Variants in FER observed in about 807,000 individuals in gnomAD.
FER encodes the protein tyrosine-protein kinase Fer.
A neutral mutation model predicts 111.0 loss-of-function variants in FER; 63 were observed. The observed-to-expected ratio is 0.57, with a 90% CI of 0.46 to 0.70. FER has a LOEUF of 0.70. Among genes scored for constraint, FER ranks in the 30% least tolerant of loss-of-function variants. The pLI, the probability that FER is intolerant of heterozygous loss-of-function variation, is 0.00. For synonymous variants in FER, 327 were observed against 313.9 expected (o/e 1.04, Z -0.44); for missense variants, 914 against 954.0 (o/e 0.96, Z 0.55).
chr5:108,796,895 A>G (rs1756087919), intron 2 of FER, among the ~76,000 whole-genome samples: 1 of 151,928 alleles, frequency 6.6e-6, no homozygotes, highest in South Asian at 2.1e-4. Context: ...CTAAGGTGTA[A>G]GACAAAGTCC....
At chr5:109,160,736 G>C (rs938134125) in intron 17 of FER, among the ~76,000 whole-genome samples, 34 of 152,136 alleles carry the variant, frequency 2.2e-4, no homozygotes, top group African/African-American at 7.2e-4. Flanking sequence ...TTTGTAAGCA[G>C]AATGTCAACT....
chr5:108,832,675 C>T, intron 3 of FER, 95 bp from the exon 4 acceptor site: 1 of 845,706 alleles, frequency 1.2e-6, no homozygotes, highest in Non-Finnish European at 1.6e-6. Context: ...TAATAATTTA[C>T]ATAAAACTAA....
chr5:108,802,223 T>C (rs1337615707), intron 3 of FER, among the ~76,000 whole-genome samples: 1 of 151,936 alleles, frequency 6.6e-6, no homozygotes, highest in Non-Finnish European at 1.5e-5. Flanking sequence ...TTACCAATCA[T>C]TTTTTTTAAA....
rs1401482639 is a variant in FER at position 109,196,374 on chromosome 5, T to G, written c.*8799T>G. 1 of 152,236 alleles carries G rather than the reference T, an allele frequency of 6.6e-6. No individual in the cohort carries two copies. The highest frequency in any genetic ancestry group is 1.5e-5 in the Non-Finnish European group (1 of 68,038). 9.4% of individuals were successfully genotyped at this position (152,236 alleles called of 1,614,324 possible). ...CTGTGGTTTGCCGATTTATGGTCCATTTAATGTTAGGCTAAAGCACCTTTA... is the reference window on the plus strand; with the variant it reads ...CTGTGGTTTGCCGATTTATGGTCCAGTTAATGTTAGGCTAAAGCACCTTTA... On this transcript the variant is annotated 3_prime_UTR_variant, in exon 20 of 20. Coordinates refer to ENST00000281092, the MANE Select transcript of FER (RefSeq NM_005246.4).
rs1554084619 is a variant in FER, at chr5:108,879,701, A to ATATATATATAT, written c.924-3695_924-3694insTATATATATAT. ...ATGTATTTTTTTTAGATTAAAAAAA[A>ATATATATATAT]ATATATATATATATATATATATATT... On this transcript the variant is annotated intron_variant, in intron 8 of 19. Transcript: ENST00000281092. Among the ~76,000 whole-genome samples, 560 of 99,022 alleles carry ATATATATATAT rather than the reference A, an allele frequency of 5.7e-3. 14 individuals are homozygous for ATATATATATAT. The highest frequency in any genetic ancestry group is 0.025 in the African/African-American group (514 of 20,828). The allele number at this position is 99,022 out of a possible 152,430, so 65.0% of individuals were successfully genotyped here.
At chr5:108,911,656 G>A (rs879958667) in intron 10 of FER, among the ~76,000 whole-genome samples, 11 of 152,192 alleles carry the variant, frequency 7.2e-5, no homozygotes, top group African/African-American at 2.6e-4. Flanking sequence ...TGAGAGATAG[G>A]GGTCTAGTTT....
chr5:109,141,732 T>G (rs1235021719), intron 17 of FER, among the ~76,000 whole-genome samples: 1 of 152,210 alleles, frequency 6.6e-6, no homozygotes, highest in Non-Finnish European at 1.5e-5. Context: ...CTGCTCAAAT[T>G]TCACTGACTA....
chr5:108,977,300 T>G (rs1761483214), intron 13 of FER, among the ~76,000 whole-genome samples: 1 of 152,202 alleles, frequency 6.6e-6, no homozygotes, highest in South Asian at 2.1e-4. Flanking sequence ...TATAATAGGT[T>G]TATGTATATT....
At chr5:108,752,550 A>G (rs1258726397) in intron 1 of FER, among the ~76,000 whole-genome samples, 1 of 152,046 alleles carries the variant, frequency 6.6e-6, no homozygotes, top group Non-Finnish European at 1.5e-5. Flanking sequence ...GAGTCAGAAC[A>G]GAGGAATTAG....
chr5:108,906,023 G>A (rs937161518), intron 10 of FER, among the ~76,000 whole-genome samples: 1 of 152,140 alleles, frequency 6.6e-6, no homozygotes, highest in African/African-American at 2.4e-5. Context: ...AGACTTCTTT[G>A]GTTTGAGTCT....
At chr5:109,055,394 A>C (rs1441055900) in intron 16 of FER, among the ~76,000 whole-genome samples, 1 of 152,222 alleles carries the variant, frequency 6.6e-6, no homozygotes, top group Admixed American at 6.5e-5. Context: ...GATTGTGAAA[A>C]CTACTTGCAA....
intron 9 of FER, among the ~76,000 whole-genome samples, chr5:108,886,068 A>G (rs1219902142): frequency 6.6e-6 from 1 of 151,856 alleles, no homozygotes; most frequent in Non-Finnish European, 1.5e-5. Context: ...TCCTATTTTA[A>G]AATTTAGTGG....
intron 17 of FER, among the ~76,000 whole-genome samples, chr5:109,175,910 T>C (rs954446736): frequency 6.6e-6 from 1 of 152,086 alleles, no homozygotes; most frequent in African/African-American, 2.4e-5. Flanking sequence ...ACGTGGGAGA[T>C]GGAGGTTGCA....
At chr5:109,156,805 G>A (rs1013727340) in intron 17 of FER, among the ~76,000 whole-genome samples, 1 of 152,094 alleles carries the variant, frequency 6.6e-6, no homozygotes, top group Admixed American at 6.6e-5. Flanking sequence ...TGCATAGCAT[G>A]TAACCACAAC....
chr5:108,784,878 C>T (rs903402843), intron 2 of FER: 23 of 156,954 alleles, frequency 1.5e-4, no homozygotes, highest in Non-Finnish European at 4.2e-5. Context: ...TTCTTGCCCT[C>T]ATTCCGGTAA....
At chr5:109,001,078 A>G (rs1185168321) in intron 13 of FER, among the ~76,000 whole-genome samples, 2 of 152,224 alleles carry the variant, frequency 1.3e-5, no homozygotes, top group Non-Finnish European at 2.9e-5. Flanking sequence ...CAGAGGTACA[A>G]GGAGGAGCTG....
Position 108,871,347 on chromosome 5 carries a change from T to G in FER, c.666-18T>G. On this transcript the variant is annotated intron_variant, in intron 6 of 19. Coordinates refer to ENST00000281092, the MANE Select transcript of FER (RefSeq NM_005246.4). Reference sequence around the variant, plus strand: ...GATAAAACTTTAAAATGCTGCAAAATTTTATTTTTGTTTTCAGCAAAGGTA... The same window carrying G: ...GATAAAACTTTAAAATGCTGCAAAAGTTTATTTTTGTTTTCAGCAAAGGTA... 1 of 1,598,208 alleles carries G rather than the reference T, an allele frequency of 6.3e-7. No individual in the cohort carries two copies. The highest frequency in any genetic ancestry group is 8.5e-7 in the Non-Finnish European group (1 of 1,172,570).
chr5:108,776,462 A>G (rs1404770773), intron 2 of FER, among the ~76,000 whole-genome samples: 2 of 152,176 alleles, frequency 1.3e-5, no homozygotes, highest in Non-Finnish European at 2.9e-5. Context: ...CAATATTTCC[A>G]TCTTTGTACT....
intron 17 of FER, among the ~76,000 whole-genome samples, chr5:109,147,798 TATAGAGAG>T (rs1308627854): frequency 0.037 from 4,362 of 116,570 alleles, 84 homozygotes; most frequent in Middle Eastern, 0.11. Context: ...TATATATATA[TATAGAGAG>T]AGAGAGAGAG....
Sources: allele counts gnomAD v4.1 joint callset (sites outside exome capture counted in the v4.1 genomes callset), GRCh38; gene constraint gnomAD v4.1.1; transcripts MANE v1.5; gene names NCBI Gene and HGNC (gene_info 2026-07-23, HGNC 2026-07-21).